XPO6: variants seen among roughly 807,000 people sequenced by gnomAD.
XPO6 encodes exportin 6.
XPO6 carries 3 observed loss-of-function variants against 130.0 expected under a neutral mutation model. That is an observed-to-expected ratio of 0.02 (90% CI 0.01 to 0.06). The LOEUF is 0.06. XPO6 is among the 10% of genes least tolerant of loss of function. XPO6 has a pLI of 1.00. For synonymous variants in XPO6, 524 were observed against 548.9 expected, an observed-to-expected ratio of 0.95 and a Z score of 0.63; for missense variants, 970 against 1,393.0, an observed-to-expected ratio of 0.70 and a Z score of 4.83.
At chr16:28,153,451 A>G in intron 7 of XPO6, 2 of 984,230 alleles carry the variant, frequency 2.0e-6, no homozygotes. Context: ...CACTCAGCCA[A>G]CTCATGGCAG....
At chr16:28,194,701 A>AAAAAAGATTGCT (rs1194653579) in intron 1 of XPO6, among the ~76,000 whole-genome samples, 1 of 152,044 alleles carries the variant, frequency 6.6e-6, no homozygotes, top group African/African-American at 2.4e-5. Flanking sequence ...TTCGGGGGTA[A>AAAAAAGATTGCT]AAAAAGATTG....
At chr16:28,189,815 C>T (rs935592647) in intron 1 of XPO6, among the ~76,000 whole-genome samples, 6 of 152,228 alleles carry the variant, frequency 3.9e-5, no homozygotes, top group Non-Finnish European at 8.8e-5. Flanking sequence ...TACACTCTGG[C>T]TGCATCTAAA....
intron 16 of XPO6, 147 bp from the exon 17 acceptor site, chr16:28,112,153 G>T: frequency 1.2e-6 from 1 of 867,494 alleles, no homozygotes; most frequent in Non-Finnish European, 1.7e-6. Flanking sequence ...AAGGCCTTTG[G>T]TCCAACTGGA....
At chr16:28,201,205 G>A (rs1354223746) in intron 1 of XPO6, among the ~76,000 whole-genome samples, 2 of 152,120 alleles carry the variant, frequency 1.3e-5, no homozygotes, top group Non-Finnish European at 1.5e-5. Context: ...ACAGTTATCT[G>A]AGCTTGCTGG....
At chr16:28,194,485 GA>G (rs1234289092) in intron 1 of XPO6, among the ~76,000 whole-genome samples, 1 of 151,966 alleles carries the variant, frequency 6.6e-6, no homozygotes, top group Non-Finnish European at 1.5e-5. Flanking sequence ...ATATTGCATA[GA>G]ACCCCACCAT....
At position 28,113,172 on chromosome 16, in the gene XPO6, A is replaced by G. The variant is rs1452489803; in HGVS notation, c.2005-122T>C. 5.6e-6 allele frequency: 7 copies of G among 1,254,250 alleles called. No homozygotes were observed. The Admixed American group carries it at 9.0e-5, about 16-fold the overall frequency. 77.7% of individuals were successfully genotyped at this position (1,254,250 alleles called of 1,614,324 possible). ...TTCCAAATTACACCACCTAGGCCCT[A>G]TCTAGCTCAAGAATTTTTCCTATGA... On this transcript the variant is annotated intron_variant, in intron 15 of 23. Coordinates refer to ENST00000304658, the MANE Select transcript of XPO6 (RefSeq NM_015171.4).
intron 1 of XPO6, among the ~76,000 whole-genome samples, chr16:28,202,086 A>G (rs1208935895): frequency 2.0e-5 from 3 of 152,246 alleles, no homozygotes; most frequent in Non-Finnish European, 4.4e-5. Context: ...CAGCATCAGC[A>G]AAGGCAGACA....
At chr16:28,185,237 A>G (rs749228418) in intron 1 of XPO6, among the ~76,000 whole-genome samples, 1 of 152,154 alleles carries the variant, frequency 6.6e-6, no homozygotes, top group Non-Finnish European at 1.5e-5. Context: ...GCCCACATCT[A>G]TAATTCCAGC....
At chr16:28,200,709 T>C (rs551894019) in intron 1 of XPO6, among the ~76,000 whole-genome samples, 1 of 152,130 alleles carries the variant, frequency 6.6e-6, no homozygotes, top group African/African-American at 2.4e-5. Context: ...GTTTTTTTGG[T>C]TTTTTATTTT....
At chr16:28,174,128 A>T (rs1284524121) in intron 4 of XPO6, among the ~76,000 whole-genome samples, 1 of 152,172 alleles carries the variant, frequency 6.6e-6, no homozygotes, top group Non-Finnish European at 1.5e-5. Context: ...AGGCAAGTGT[A>T]TTGGACAGAA....
At chr16:28,188,151 A>G (rs11646222) in intron 1 of XPO6, among the ~76,000 whole-genome samples, 32,203 of 152,170 alleles carry the variant, frequency 0.21, 4,281 homozygotes, top group East Asian at 0.38. Context: ...ATGTTGCCCA[A>G]GCTAGTCTTA....
intron 1 of XPO6, chr16:28,181,249 C>T (rs60767432): frequency 0.042 from 18,865 of 451,566 alleles, 1,427 homozygotes; most frequent in East Asian, 0.19. Context: ...TAAATTCATG[C>T]TACTGTGCAG....
chr16:28,202,073 G>T (rs953716671), intron 1 of XPO6, among the ~76,000 whole-genome samples: 1 of 152,202 alleles, frequency 6.6e-6, no homozygotes, highest in Non-Finnish European at 1.5e-5. Context: ...AGAGCAGAGG[G>T]AACAGCATCA....
At chr16:28,153,649 C>A (rs1251024728) in intron 7 of XPO6, 23 of 985,250 alleles carry the variant, frequency 2.3e-5, no homozygotes, top group Admixed American at 6.2e-5. Flanking sequence ...TCATTTTAAG[C>A]CCCTAAATAC....
intron 9 of XPO6, among the ~76,000 whole-genome samples, chr16:28,143,524 T>C (rs1403682063): frequency 6.6e-6 from 1 of 152,180 alleles, no homozygotes; most frequent in African/African-American, 2.4e-5. Context: ...GAATTTAAAT[T>C]CTCTATACCA....
chr16:28,190,223 ATTTT>A (rs753474910), intron 1 of XPO6, among the ~76,000 whole-genome samples: 1 of 136,122 alleles, frequency 7.3e-6, no homozygotes, highest in Admixed American at 7.6e-5. Context: ...TTCTTTCTTT[ATTTT>A]TTTTTTTTTT....
At chr16:28,189,580 G>A (rs1363207888) in intron 1 of XPO6, among the ~76,000 whole-genome samples, 1 of 136,604 alleles carries the variant, frequency 7.3e-6, no homozygotes, top group Non-Finnish European at 1.5e-5. Context: ...GTGTACAAGA[G>A]TTGCAGGAGA....
intron 7 of XPO6, 40 bp from the exon 8 acceptor site, chr16:28,152,825 G>A (rs2043118948): frequency 6.3e-7 from 1 of 1,598,420 alleles, no homozygotes; most frequent in Non-Finnish European, 8.5e-7. Flanking sequence ...AAGAAACCCA[G>A]CCACCTCCTT....
In XPO6 at chr16:28,104,832, T is replaced by C. The variant is rs1336908902; in HGVS notation, c.2785-125A>G. The stretch of plus-strand genomic sequence containing the variant: ...GCCGAGTGTCAACACTCCATCCACA[T>C]GCCTGTCACTACCTGCGCAAAAGAC... On this transcript the variant is annotated intron_variant, in intron 20 of 23. Coordinates refer to ENST00000304658, the MANE Select transcript of XPO6 (RefSeq NM_015171.4). 13 of 1,057,566 alleles carry C rather than the reference T, an allele frequency of 1.2e-5. No individual in the cohort carries two copies. In the African/African-American group the frequency reaches 2.1e-4, roughly 17 times the overall value. 65.5% of individuals were successfully genotyped at this position (1,057,566 alleles called of 1,614,324 possible).
Sources: gnomAD v4.1 joint callset for allele counts (sites outside exome capture counted in the v4.1 genomes callset) on GRCh38, gnomAD v4.1.1 for gene constraint, MANE v1.5 for transcripts, NCBI Gene and HGNC (gene_info 2026-07-23, HGNC 2026-07-21) for gene names.